The following CTNNA3 variants were observed in gnomAD, a reference collection of about 807,000 sequenced individuals.
The protein encoded by CTNNA3 is catenin alpha-3.
CTNNA3 carries 76 observed loss-of-function variants against 95.7 expected under a neutral mutation model. That is an observed-to-expected ratio of 0.79 (90% confidence interval 0.66 to 0.96). CTNNA3 has a LOEUF of 0.96. Ranked by LOEUF, CTNNA3 falls within the 40% of genes least tolerant of loss-of-function variation. The pLI is 0.00. For missense variants in CTNNA3, 1,191 were observed against 1,089.8 expected, an observed-to-expected ratio of 1.09 and a Z score of -1.31; for synonymous variants, 431 against 374.4, an observed-to-expected ratio of 1.15 and a Z score of -1.74.
chr10:66,901,964 A>G (rs1378378663), intron 7 of CTNNA3, among the ~76,000 whole-genome samples: 1 of 152,202 alleles, frequency 6.6e-6, no homozygotes, highest in Non-Finnish European at 1.5e-5. Context: ...TATTAGACAG[A>G]TCAATGAGAC....
chr10:67,071,249 C>A (rs558629303), intron 7 of CTNNA3, among the ~76,000 whole-genome samples: 14 of 151,778 alleles, frequency 9.2e-5, no homozygotes, highest in Middle Eastern at 3.4e-3. Context: ...CTTCTACTTA[C>A]AACAATTCCC....
intron 14 of CTNNA3, among the ~76,000 whole-genome samples, chr10:66,074,129 T>G (rs1351269970): frequency 6.6e-6 from 1 of 152,000 alleles, no homozygotes; most frequent in Non-Finnish European, 1.5e-5. Context: ...CTTTTTGTAT[T>G]CAGCACTTAA....
intron 7 of CTNNA3, among the ~76,000 whole-genome samples, chr10:67,045,144 G>A (rs1016284255): frequency 4.6e-5 from 7 of 152,150 alleles, no homozygotes. Flanking sequence ...TACAGTAAAT[G>A]CTGAAGCATA....
At chr10:66,071,543 G>A (rs2133607438) in intron 14 of CTNNA3, among the ~76,000 whole-genome samples, 1 of 152,200 alleles carries the variant, frequency 6.6e-6, no homozygotes, top group South Asian at 2.1e-4. Context: ...TAGCTCTAGA[G>A]TTTTTGTTCT....
intron 9 of CTNNA3, among the ~76,000 whole-genome samples, chr10:66,630,423 T>C (rs2132342235): frequency 6.6e-6 from 1 of 152,282 alleles, no homozygotes; most frequent in South Asian, 2.1e-4. Flanking sequence ...GGCAGCTTCT[T>C]TCAAGTTTTA....
intron 7 of CTNNA3, among the ~76,000 whole-genome samples, chr10:67,063,910 T>C (rs1855908984): frequency 6.6e-6 from 1 of 152,196 alleles, no homozygotes; most frequent in Non-Finnish European, 1.5e-5. Flanking sequence ...ACTGATTTGA[T>C]ATGTTTATGG....
Position 66,163,237 on chromosome 10 carries a change from C to A in CTNNA3, c.1885-59988G>T, listed in dbSNP as rs1035305847. On this transcript the variant is annotated intron_variant, in intron 13 of 17. Transcript: ENST00000433211. ...ATTTCTGGCCAGGAGGCTTCTCACC[C>A]TGTTCAAATTTTTACAAAGTTCCGT... 5.3e-5 allele frequency among the ~76,000 whole-genome samples: 8 copies of A among 152,194 alleles called. No homozygotes were observed. In the South Asian group the frequency reaches 8.3e-4, roughly 16 times the overall value.
At chr10:66,318,398 T>A (rs1241252275) in intron 12 of CTNNA3, among the ~76,000 whole-genome samples, 5 of 151,920 alleles carry the variant, frequency 3.3e-5, no homozygotes, top group Non-Finnish European at 2.9e-5. Flanking sequence ...TCTCTCCACC[T>A]ATGTGAAGGT....
At chr10:65,978,139 C>T (rs534877918) in intron 16 of CTNNA3, among the ~76,000 whole-genome samples, 1 of 152,134 alleles carries the variant, frequency 6.6e-6, no homozygotes, top group East Asian at 1.9e-4. Context: ...TCCCATGTCT[C>T]CTTTTTTGTT....
chr10:67,647,304 G>T, intron 2 of CTNNA3, 111 bp downstream of exon 2: 2 of 723,552 alleles, frequency 2.8e-6, no homozygotes, highest in Non-Finnish European at 4.2e-6. Flanking sequence ...AATTTTAGAT[G>T]ACATATTTAT....
At chr10:66,851,003 C>G (rs1238144695) in intron 7 of CTNNA3, among the ~76,000 whole-genome samples, 1 of 151,994 alleles carries the variant, frequency 6.6e-6, no homozygotes, top group Non-Finnish European at 1.5e-5. Flanking sequence ...TCATCATCAC[C>G]CTCTCTACCA....
chr10:67,661,287 G>A (rs12245400), intron 1 of CTNNA3, among the ~76,000 whole-genome samples: 19,830 of 148,124 alleles, frequency 0.13, 1,415 homozygotes, highest in Non-Finnish European at 0.16. Context: ...AGAGAAAAAG[G>A]AGGGAGGGAG....
chr10:67,363,017 C>G (rs1386016149), intron 5 of CTNNA3, among the ~76,000 whole-genome samples: 1 of 151,620 alleles, frequency 6.6e-6, no homozygotes, highest in Non-Finnish European at 1.5e-5. Context: ...AATACAATAT[C>G]CACACACAAA....
intron 9 of CTNNA3, among the ~76,000 whole-genome samples, chr10:66,746,792 T>TC (rs910489310): frequency 2.6e-5 from 4 of 152,046 alleles, no homozygotes; most frequent in African/African-American, 9.7e-5. Context: ...CCAATAAGAG[T>TC]CAATCCTAAA....
intron 5 of CTNNA3, among the ~76,000 whole-genome samples, chr10:67,277,756 C>T (rs1839240165): frequency 6.6e-6 from 1 of 152,128 alleles, no homozygotes; most frequent in African/African-American, 2.4e-5. Flanking sequence ...AATTATAATG[C>T]ATTAGCATGC....
At chr10:66,756,782 A>G (rs192665297) in intron 9 of CTNNA3, among the ~76,000 whole-genome samples, 4 of 152,268 alleles carry the variant, frequency 2.6e-5, no homozygotes. Flanking sequence ...GTATTTTACT[A>G]GATAGTTGCA....
At chr10:67,402,334 G>A (rs952844358) in intron 5 of CTNNA3, among the ~76,000 whole-genome samples, 3 of 152,078 alleles carry the variant, frequency 2.0e-5, no homozygotes, top group Non-Finnish European at 4.4e-5. Context: ...ACCAAGCTGA[G>A]GAAAGAATCT....
chr10:65,976,875 C>T (rs2078217013), intron 16 of CTNNA3, among the ~76,000 whole-genome samples: 1 of 151,990 alleles, frequency 6.6e-6, no homozygotes, highest in South Asian at 2.1e-4. Flanking sequence ...ATATTAATTC[C>T]TTATCAGATC....
At chr10:66,916,917 A>T (rs1037550784) in intron 7 of CTNNA3, among the ~76,000 whole-genome samples, 2 of 152,198 alleles carry the variant, frequency 1.3e-5, no homozygotes, top group African/African-American at 4.8e-5. Flanking sequence ...ATCTAAGGTG[A>T]CAGGATTATG....
Sources: allele counts gnomAD v4.1 joint callset (sites outside exome capture counted in the v4.1 genomes callset), GRCh38; gene constraint gnomAD v4.1.1; transcripts MANE v1.5; gene names NCBI Gene and HGNC (gene_info 2026-07-23, HGNC 2026-07-21).